The following THSD7B variants were observed in gnomAD, a reference collection of about 807,000 sequenced individuals.
THSD7B encodes the protein thrombospondin type 1 domain containing 7B, also known as thrombospondin type-1 domain-containing protein 7B.
Under a neutral mutation model 213.6 loss-of-function variants are expected in THSD7B, and 138 were observed. The ratio of observed to expected loss-of-function variants is 0.65; its 90% CI spans 0.56 to 0.74. The LOEUF is 0.74. Among genes scored for constraint, THSD7B ranks in the 30% least tolerant of loss-of-function variants. THSD7B has a pLI of 0.00. For synonymous variants in THSD7B, 742 were observed against 687.0 expected (o/e 1.08, Z -1.25); for missense variants, 1,931 against 1,991.5 (o/e 0.97, Z 0.58).
chr2:137,428,112 G>T (rs1320593526), intron 14 of THSD7B, among the ~76,000 whole-genome samples: 4 of 152,024 alleles, frequency 2.6e-5, no homozygotes, highest in Admixed American at 1.3e-4. Flanking sequence ...CAAATAAAAG[G>T]TATTTGTCCT....
intron 2 of THSD7B, among the ~76,000 whole-genome samples, chr2:137,036,181 A>C (rs1207696561): frequency 2.0e-5 from 3 of 152,092 alleles, no homozygotes; most frequent in African/African-American, 7.2e-5. Flanking sequence ...TGAAATACTC[A>C]CTCTTCATAT....
chr2:137,333,303 A>G (rs1009422346), intron 12 of THSD7B, among the ~76,000 whole-genome samples: 2 of 151,966 alleles, frequency 1.3e-5, no homozygotes, highest in Non-Finnish European at 2.9e-5. Flanking sequence ...TCTATTCTCT[A>G]CTCTGCAGCC....
chr2:137,633,267 G>A (rs7558285), intron 20 of THSD7B, among the ~76,000 whole-genome samples: 52,748 of 151,998 alleles, frequency 0.35, 10,807 homozygotes, highest in African/African-American at 0.57. Context: ...GAAATTAACT[G>A]AGCATTTTAT....
intron 5 of THSD7B, among the ~76,000 whole-genome samples, chr2:137,116,947 C>T (rs1430958051): frequency 1.3e-5 from 2 of 152,290 alleles, no homozygotes; most frequent in East Asian, 3.9e-4. Context: ...CACAGGAAAA[C>T]AGAAAGTACT....
intron 12 of THSD7B, among the ~76,000 whole-genome samples, chr2:137,280,432 A>G (rs974256509): frequency 1.3e-5 from 2 of 152,196 alleles, no homozygotes; most frequent in East Asian, 3.8e-4. Flanking sequence ...GACTGCCAGA[A>G]ACAGAAGTAC....
At chr2:137,187,993 A>G (rs13034946) in intron 7 of THSD7B, among the ~76,000 whole-genome samples, 10,510 of 152,232 alleles carry the variant, frequency 0.069, 388 homozygotes, top group African/African-American at 0.094. Flanking sequence ...AATGTTTAGA[A>G]CTACCAGCTC....
intron 8 of THSD7B, 84 bp downstream of exon 8, chr2:137,231,319 T>A: frequency 7.6e-7 from 1 of 1,312,364 alleles, no homozygotes; most frequent in African/African-American, 1.5e-5. Flanking sequence ...GAAGTTTATA[T>A]GGAGGAAATA....
intron 15 of THSD7B, among the ~76,000 whole-genome samples, chr2:137,543,852 G>C (rs1363061560): frequency 6.6e-6 from 1 of 151,086 alleles, no homozygotes; most frequent in Non-Finnish European, 1.5e-5. Context: ...TAAACAAGCA[G>C]TCAAAAGGAC....
At chr2:137,640,934 G>A (rs533553058) in intron 20 of THSD7B, among the ~76,000 whole-genome samples, 70 of 152,260 alleles carry the variant, frequency 4.6e-4, no homozygotes, top group African/African-American at 1.5e-3. Context: ...TTTCTTCAAG[G>A]ATACTCTCAG....
intron 15 of THSD7B, among the ~76,000 whole-genome samples, chr2:137,464,755 A>G (rs1475512623): frequency 1.3e-5 from 2 of 151,900 alleles, no homozygotes; most frequent in Admixed American, 1.3e-4. Context: ...AAAATTATTT[A>G]TTTATTTATT....
chr2:137,390,777 A>G (rs879267236), intron 12 of THSD7B, among the ~76,000 whole-genome samples: 2 of 152,286 alleles, frequency 1.3e-5, no homozygotes, highest in Middle Eastern at 3.4e-3. Flanking sequence ...ATTTCTGTCT[A>G]TTGAGATGAT....
At chr2:137,328,243 T>C (rs767065809) in intron 12 of THSD7B, among the ~76,000 whole-genome samples, 12 of 151,824 alleles carry the variant, frequency 7.9e-5, no homozygotes, top group South Asian at 2.1e-4. Flanking sequence ...CCTATAAGAG[T>C]TTCTCTACTA....
chr2:137,109,217 G>A (rs1165017578), intron 4 of THSD7B, among the ~76,000 whole-genome samples: 1 of 152,078 alleles, frequency 6.6e-6, no homozygotes, highest in African/African-American at 2.4e-5. Context: ...TCAGTAGCCA[G>A]GTGTTCCTTA....
At chr2:137,046,794 G>C (rs1558898895) in intron 2 of THSD7B, among the ~76,000 whole-genome samples, 1 of 151,604 alleles carries the variant, frequency 6.6e-6, no homozygotes, top group Non-Finnish European at 1.5e-5. Context: ...GTATTGGAAG[G>C]AGCTTGGCTT....
At chr2:136,960,890 C>T (rs1291951877) in intron 2 of THSD7B, among the ~76,000 whole-genome samples, 1 of 151,372 alleles carries the variant, frequency 6.6e-6, no homozygotes, top group East Asian at 2.0e-4. Context: ...GAGATCAAGA[C>T]CATCCTGGCT....
chr2:137,525,237 C>T (rs1024018877), intron 15 of THSD7B, among the ~76,000 whole-genome samples: 1 of 152,050 alleles, frequency 6.6e-6, no homozygotes, highest in Non-Finnish European at 1.5e-5. Context: ...AAATAGAAAC[C>T]AAACACCATG....
Position 137,232,910 on chromosome 2 carries a change from T to C in THSD7B, c.1927T>C (p.Cys643Arg). ...CTTATTTTTGGCAGGTGGAAAGCCA[T>C]GTCCCCCTAGTCAGGCTCTCCAAGA... ...LALAGEGGKP[C>R]PPSQALQEHR... Residue 643 changes from cysteine (C) to arginine (R), a missense_variant, in exon 9 of 28, where the codon TGT (cysteine) becomes CGT (arginine). Transcript: ENST00000409968. 1 of 1,613,896 alleles carries C rather than the reference T, an allele frequency of 6.2e-7. No homozygotes were observed. Among genetic ancestry groups the C allele is most frequent in the Non-Finnish European group, 8.5e-7 (1 of 1,179,806 alleles).
At chr2:136,811,900 T>C (rs1157427291) in intron 1 of THSD7B, among the ~76,000 whole-genome samples, 1 of 152,154 alleles carries the variant, frequency 6.6e-6, no homozygotes, top group Non-Finnish European at 1.5e-5. Context: ...CCATCCTCCA[T>C]ACTCATTGAT....
At chr2:137,527,588 A>G (rs979806622) in intron 15 of THSD7B, among the ~76,000 whole-genome samples, 4 of 152,020 alleles carry the variant, frequency 2.6e-5, no homozygotes, top group African/African-American at 9.7e-5. Flanking sequence ...TTGAAGAATC[A>G]TGTGTCCCTC....
Sources: allele counts gnomAD v4.1 joint callset (sites outside exome capture counted in the v4.1 genomes callset), GRCh38; gene constraint gnomAD v4.1.1; transcripts MANE v1.5; gene names NCBI Gene and HGNC (gene_info 2026-07-23, HGNC 2026-07-21).